PCDHA8: variants seen among roughly 807,000 people sequenced by gnomAD.
PCDHA8 encodes protocadherin alpha 8.
A neutral mutation model predicts 61.8 loss-of-function variants in PCDHA8; 53 were observed. That is an observed-to-expected ratio of 0.86 (90% CI 0.69 to 1.08). The LOEUF is 1.08. Ranked by LOEUF, PCDHA8 falls within the 50% of genes least tolerant of loss-of-function variation. The pLI, the probability that PCDHA8 is intolerant of heterozygous loss-of-function variation, is 0.00. For synonymous variants in PCDHA8, 618 were observed against 556.6 expected (o/e 1.11, Z -1.55); for missense variants, 1,293 against 1,245.0 (o/e 1.04, Z -0.58).
intron 1 of PCDHA8, among the ~76,000 whole-genome samples, chr5:140,954,472 G>T (rs1031225118): frequency 8.5e-5 from 13 of 152,182 alleles, no homozygotes; most frequent in Admixed American, 6.5e-5. Context: ...TCTGACTGGT[G>T]TGAGAAGATA....
In PCDHA8 at chr5:140,929,359, C is replaced by T; in HGVS notation, c.2395-49590C>T. 3.3e-6 allele frequency: 5 copies of T among 1,522,308 alleles called. No homozygotes were observed. In the South Asian group the frequency reaches 6.6e-5, roughly 20 times the overall value. 94.3% of individuals were successfully genotyped at this position (1,522,308 alleles called of 1,614,324 possible). ...ATTTTATGGAATTTGATTCCTTTGG[C>T]CCGGAGATGGCTGCTAGCTGTGTTT... On this transcript the variant is annotated intron_variant, in intron 1 of 3. Transcript: ENST00000531613.
intron 1 of PCDHA8, chr5:140,853,685 C>T (rs1554146805): frequency 1.0e-6 from 1 of 988,006 alleles, no homozygotes; most frequent in Non-Finnish European, 1.2e-6. Context: ...TCAACCTATC[C>T]TTAGACCTGC....
At chr5:140,850,277 G>A (rs2150477192) in intron 1 of PCDHA8, 1 of 1,595,522 alleles carries the variant, frequency 6.3e-7, no homozygotes, top group South Asian at 1.1e-5. Flanking sequence ...TGGGGAAGGT[G>A]CGCGCAGTGG....
chr5:140,967,332 C>T (rs1269679357), intron 1 of PCDHA8: 2 of 1,607,906 alleles, frequency 1.2e-6, no homozygotes, highest in Non-Finnish European at 1.7e-6. Context: ...GAGCTCAGCC[C>T]CAGCGAGCAC....
chr5:140,842,961 G>A lies in PCDHA8; in HGVS notation c.1640G>A (p.Ser547Asn), dbSNP rs1778431157. 1 of 1,594,950 alleles carries A rather than the reference G, an allele frequency of 6.3e-7. No individual in the cohort carries two copies. The highest frequency in any genetic ancestry group is 1.3e-5 in the African/African-American group (1 of 74,568). Reference protein sequence around the residue: ...ARDAGVPPLGSNVTLQVFVLD... With the variant: ...ARDAGVPPLGNNVTLQVFVLD... ...GACGCGGGCGTGCCGCCTCTGGGCA[G>A]CAACGTGACGCTGCAGGTGTTCGTG... The change falls in exon 1 of 4, where the codon AGC becomes AAC. Residue 547 changes from serine (S) to asparagine (N), a missense_variant. Physicochemically the swap from Ser to Asn is conservative, Grantham distance 46. Coordinates refer to ENST00000531613, the MANE Select transcript of PCDHA8 (RefSeq NM_018911.3).
At chr5:140,962,428 C>G (rs1359949802) in intron 1 of PCDHA8, among the ~76,000 whole-genome samples, 1 of 152,136 alleles carries the variant, frequency 6.6e-6, no homozygotes, top group Non-Finnish European at 1.5e-5. Flanking sequence ...TTTATTGTTA[C>G]TTATCCAAAG....
intron 1 of PCDHA8, chr5:140,849,391 G>A: frequency 1.3e-6 from 2 of 1,539,768 alleles, no homozygotes; most frequent in South Asian, 1.1e-5. Flanking sequence ...GACCCCTTAA[G>A]TGGGGCAATC....
At chr5:140,946,477 T>C (rs1223421073) in intron 1 of PCDHA8, among the ~76,000 whole-genome samples, 2 of 151,720 alleles carry the variant, frequency 1.3e-5, no homozygotes, top group Non-Finnish European at 2.9e-5. Flanking sequence ...ACTGGGTATA[T>C]ATCCAAAGGA....
At chr5:140,856,737 T>C (rs369958206) in intron 1 of PCDHA8, 7 of 1,595,910 alleles carry the variant, frequency 4.4e-6, no homozygotes, top group African/African-American at 1.3e-5. Context: ...CTGCTGATCC[T>C]GGTGTTAGAT....
intron 1 of PCDHA8, chr5:140,968,723 GGTA>G (rs1199893104): frequency 9.3e-6 from 15 of 1,613,990 alleles, no homozygotes; most frequent in Non-Finnish European, 1.3e-5. Context: ...AGATGAGAGT[GGTA>G]GCACTTTCAA....
intron 1 of PCDHA8, chr5:140,870,676 G>T: frequency 6.2e-7 from 1 of 1,612,702 alleles, no homozygotes. Flanking sequence ...GTTGGACCAC[G>T]AGGAGCTGGA....
intron 1 of PCDHA8, among the ~76,000 whole-genome samples, chr5:140,924,841 G>C (rs891279703): frequency 1.1e-4 from 17 of 151,378 alleles, no homozygotes; most frequent in South Asian, 2.1e-4. Context: ...GTTGCAGGGA[G>C]CTCAGATCGT....
chr5:140,860,216 T>G (rs1554153148), intron 1 of PCDHA8: 1 of 150,178 alleles, frequency 6.7e-6, no homozygotes, highest in Admixed American at 6.6e-5. Context: ...TATGTACTTA[T>G]GTATATATAA....
At chr5:140,882,143 C>T in intron 1 of PCDHA8, 1 of 1,494,048 alleles carries the variant, frequency 6.7e-7, no homozygotes, top group Non-Finnish European at 8.9e-7. Context: ...GAAAATATAG[C>T]AGAAAGCGGA....
At chr5:140,875,251 A>T in intron 1 of PCDHA8, 1 of 1,029,376 alleles carries the variant, frequency 9.7e-7, no homozygotes. Context: ...ATAATCAGTC[A>T]CATGATGTCG....
intron 3 of PCDHA8, among the ~76,000 whole-genome samples, chr5:141,007,495 G>T (rs2098332812): frequency 6.6e-6 from 1 of 151,988 alleles, no homozygotes; most frequent in Non-Finnish European, 1.5e-5. Flanking sequence ...TTGGACCTAG[G>T]AGGCAGAGAC....
At position 140,841,726 on chromosome 5, in the gene PCDHA8, A is replaced by G. The variant is rs1777447763; in HGVS notation, c.405A>G (p.Val135=). 1 of 1,613,794 alleles carries G rather than the reference A, an allele frequency of 6.2e-7. No individual in the cohort carries two copies. The highest frequency in any genetic ancestry group is 1.3e-5 in the African/African-American group (1 of 74,874). ...DVNDNPPVFR[V]KDQKLFVSES... Reference sequence around the variant, plus strand: ...ATGACAACCCGCCAGTGTTCCGGGTAAAAGACCAAAAGCTGTTTGTTTCAG... The same window carrying G: ...ATGACAACCCGCCAGTGTTCCGGGTGAAAGACCAAAAGCTGTTTGTTTCAG... The change falls in exon 1 of 4, where the codon GTA becomes GTG. Residue 135 remains valine (V), a synonymous_variant. Transcript: ENST00000531613.
intron 2 of PCDHA8, 125 bp downstream of exon 2, chr5:140,979,132 A>T: frequency 4.8e-6 from 7 of 1,471,500 alleles, no homozygotes; most frequent in Non-Finnish European, 6.3e-6. Context: ...TGCCAGGAAA[A>T]TGCAATTATT....
At chr5:141,000,429 T>A (rs1327595966) in intron 3 of PCDHA8, among the ~76,000 whole-genome samples, 40 of 124,862 alleles carry the variant, frequency 3.2e-4, no homozygotes, top group African/African-American at 1.1e-3. Flanking sequence ...ATATTTTTTT[T>A]TTTTTTTTTT....
Sources: gnomAD v4.1 joint callset for allele counts (sites outside exome capture counted in the v4.1 genomes callset) on GRCh38, gnomAD v4.1.1 for gene constraint, MANE v1.5 for transcripts, NCBI Gene and HGNC (gene_info 2026-07-23, HGNC 2026-07-21) for gene names.